Variants in MTA1 observed in about 807,000 individuals in gnomAD.
MTA1 encodes the protein metastasis-associated protein MTA1.
MTA1 carries 15 observed loss-of-function variants against 97.0 expected under a neutral mutation model. The ratio of observed to expected loss-of-function variants is 0.15; its 90% CI spans 0.10 to 0.24. MTA1 has a LOEUF of 0.24. Among genes scored for constraint, MTA1 ranks in the 10% least tolerant of loss-of-function variants. The pLI is 1.00. For missense variants in MTA1, 709 were observed against 1,015.1 expected, an observed-to-expected ratio of 0.70 and a Z score of 4.10; for synonymous variants, 435 against 417.5, an observed-to-expected ratio of 1.04 and a Z score of -0.51.
Position 105,454,316 on chromosome 14 carries a change from G to A in MTA1, c.550+6G>A, listed in dbSNP as rs200844784. The A allele has an allele frequency of 1.5e-5, 24 of 1,606,168 alleles. No homozygotes were observed. The African/African-American group carries it at 2.7e-4, about 18-fold the overall frequency. On this transcript the variant is annotated splice_donor_region_variant and intron_variant, in intron 7 of 20. Coordinates refer to ENST00000331320, the MANE Select transcript of MTA1 (RefSeq NM_004689.4). ...CACCGACTTGTTAAAAGAAGGTAGG[G>A]TGGGCCGCCCTGGGCATGGAGCCCT...
chr14:105,425,817 C>T (rs2081991938), intron 1 of MTA1, among the ~76,000 whole-genome samples: 2 of 151,994 alleles, frequency 1.3e-5, no homozygotes, highest in African/African-American at 4.8e-5. Context: ...CACCTCGCCC[C>T]TATACCCCAC....
In MTA1 at chr14:105,431,801, T is replaced by C. The variant is rs184877561; in HGVS notation, c.29-6871T>C. On this transcript the variant is annotated intron_variant, in intron 1 of 20. Coordinates refer to ENST00000331320, the MANE Select transcript of MTA1 (RefSeq NM_004689.4). ...CCACCACACCTGGCTATTTTTTGTA[T>C]CTTTAGTAGAGATGGGGTTTCACCA... 3.4e-4 allele frequency among the ~76,000 whole-genome samples: 52 copies of C among 152,078 alleles called. 1 individual carries two copies. Among genetic ancestry groups the C allele is most frequent in the Middle Eastern group, 3.4e-3 (1 of 294 alleles).
rs752215298 is a variant in MTA1, at chr14:105,422,304, G to T, written c.28+2241G>T. Among the ~76,000 whole-genome samples, 9 of 152,168 alleles carry T rather than the reference G, an allele frequency of 5.9e-5. No homozygotes were observed. Among genetic ancestry groups the T allele is most frequent in the Non-Finnish European group, 1.3e-4 (9 of 68,024 alleles). The stretch of plus-strand genomic sequence containing the variant: ...GCAGTGGGCTGGGCATTGCAGGTTG[G>T]CTTCCTGTCTTGGTGCTCGCTCGGG... On this transcript the variant is annotated intron_variant, in intron 1 of 20. Coordinates refer to ENST00000331320, the MANE Select transcript of MTA1 (RefSeq NM_004689.4). This position sits in a 1 kb window ranked among gnomAD's most constrained non-coding sequence, Gnocchi z 4.3.
intron 1 of MTA1, among the ~76,000 whole-genome samples, chr14:105,429,881 C>T (rs587637104): frequency 2.6e-5 from 4 of 151,384 alleles, no homozygotes; most frequent in East Asian, 3.9e-4. Flanking sequence ...CTCAGCCTCC[C>T]GAGTAGCTGG....
intron 18 of MTA1, chr14:105,469,145 T>C (rs1414622910): frequency 3.5e-6 from 2 of 572,794 alleles, no homozygotes; most frequent in Non-Finnish European, 6.6e-6. Context: ...AGGCTTTGCT[T>C]GTCTCGGCAC....
intron 2 of MTA1, among the ~76,000 whole-genome samples, 164 bp downstream of exon 2, chr14:105,438,903 G>A (rs587709690): frequency 5.4e-4 from 82 of 152,328 alleles, no homozygotes; most frequent in African/African-American, 1.8e-3. Flanking sequence ...CTGCACCGTG[G>A]CTCCTCCTTG....
Position 105,463,826 on chromosome 14 carries a change from G to A in MTA1, c.1077-206G>A. 1.6e-6 allele frequency: 1 copy of A among 644,942 alleles called. No homozygotes were observed. Among genetic ancestry groups the A allele is most frequent in the Non-Finnish European group, 2.7e-6 (1 of 363,774 alleles). The allele number at this position is 644,942 out of a possible 1,614,324, so 40.0% of individuals were successfully genotyped here. ...CCCTGAGCTGGGCTCCATGCTAGGG[G>A]GAGCACGGGGGCCTGGAGAACGGCT... On this transcript the variant is annotated intron_variant, in intron 12 of 20. Coordinates refer to ENST00000331320, the MANE Select transcript of MTA1 (RefSeq NM_004689.4). This position sits in a 1 kb window ranked among gnomAD's most constrained non-coding sequence, Gnocchi z 5.9.
In MTA1 at chr14:105,470,216, G is replaced by GGGCC; in HGVS notation, c.*3_*6dup. On this transcript the variant is annotated 3_prime_UTR_variant, in exon 21 of 21. Transcript: ENST00000331320. ...CGAGCCCATCGTCATCGAGGACTAG[G>GGGCC]GGCCGCCCCCACCTGCGGCCGCCCC... 6.3e-7 allele frequency: 1 copy of GGGCC among 1,574,972 alleles called. No homozygotes were observed. Among genetic ancestry groups the GGGCC allele is most frequent in the East Asian group, 2.3e-5 (1 of 42,812 alleles).
chr14:105,469,438 C>A (rs2083736741), intron 18 of MTA1, 29 bp from the exon 19 acceptor site: 1 of 1,612,150 alleles, frequency 6.2e-7, no homozygotes, highest in African/African-American at 1.3e-5. Flanking sequence ...TCTCTCGGGG[C>A]CTCATTTCTC....
chr14:105,466,233 C>G (rs587744059), intron 16 of MTA1, 193 bp from the exon 17 acceptor site: 3 of 592,420 alleles, frequency 5.1e-6, no homozygotes, highest in South Asian at 4.0e-5. Flanking sequence ...CACGCCTTGC[C>G]GAGGGCTTCT....
At position 105,424,524 on chromosome 14, in the gene MTA1, C is replaced by G. The variant is rs1595251875; in HGVS notation, c.28+4461C>G. ...CTTTTTTTTTTGTTTTTGAGACAGT[C>G]TCACTCTGTCACCCAGGCTGGAGTG... On this transcript the variant is annotated intron_variant, in intron 1 of 20. Transcript: ENST00000331320. The surrounding 1 kb of genome is among the most constrained non-coding windows in gnomAD (Gnocchi z 4.0). Among the ~76,000 whole-genome samples, 2 of 143,934 alleles carry G rather than the reference C, an allele frequency of 1.4e-5. No homozygotes were observed. The highest frequency in any genetic ancestry group is 4.2e-4 in the East Asian group (2 of 4,780). The allele number at this position is 143,934 out of a possible 152,430, so 94.4% of individuals were successfully genotyped here. A position where few individuals can be genotyped will look rare whatever the true frequency, so the allele number is the denominator to read the frequency against.
intron 4 of MTA1, among the ~76,000 whole-genome samples, chr14:105,449,653 C>A (rs1945055522): frequency 6.6e-6 from 1 of 152,170 alleles, no homozygotes; most frequent in South Asian, 2.1e-4. Flanking sequence ...GGCTGTCTGG[C>A]CACGAGATGG....
chr14:105,423,830 A>G (rs2081927280), intron 1 of MTA1, among the ~76,000 whole-genome samples: 1 of 152,264 alleles, frequency 6.6e-6, no homozygotes, highest in African/African-American at 2.4e-5. Context: ...GGAAAAAAGT[A>G]AACTTAAAAA....
chr14:105,436,855 C>T (rs1555424498), intron 1 of MTA1, among the ~76,000 whole-genome samples: 3 of 152,156 alleles, frequency 2.0e-5, no homozygotes, highest in Non-Finnish European at 4.4e-5. Flanking sequence ...GTGATGAAAC[C>T]CACCAATTTT....
At chr14:105,464,238 C>G (rs587665476) in intron 13 of MTA1, 91 bp downstream of exon 13, 2 of 1,453,626 alleles carry the variant, frequency 1.4e-6, no homozygotes, top group East Asian at 2.3e-5. Flanking sequence ...CATGGCCCAG[C>G]CTGCAAGGGG....
chr14:105,463,837 G>C lies in MTA1; in HGVS notation c.1077-195G>C, dbSNP rs1334099339. 5 of 659,358 alleles carry C rather than the reference G, an allele frequency of 7.6e-6. No individual in the cohort carries two copies. The highest frequency in any genetic ancestry group is 2.8e-5 in the Admixed American group (1 of 35,394). The allele number at this position is 659,358 out of a possible 1,614,324, so 40.8% of individuals were successfully genotyped here. ...GCTCCATGCTAGGGGGAGCACGGGG[G>C]CCTGGAGAACGGCTCAGACCTCAGC... On this transcript the variant is annotated intron_variant, in intron 12 of 20. Coordinates refer to ENST00000331320, the MANE Select transcript of MTA1 (RefSeq NM_004689.4). The surrounding 1 kb of genome is among the most constrained non-coding windows in gnomAD (Gnocchi z 5.9).
chr14:105,466,983 T>G, intron 18 of MTA1: 1 of 573,008 alleles, frequency 1.7e-6, no homozygotes. Flanking sequence ...TGGACTGTCC[T>G]GGCACGTGTG....
chr14:105,457,194 G>A (rs2083184417), intron 7 of MTA1, among the ~76,000 whole-genome samples: 1 of 152,198 alleles, frequency 6.6e-6, no homozygotes, highest in South Asian at 2.1e-4. Flanking sequence ...CTGAGAGGTG[G>A]ACAGAGGACA....
chr14:105,443,348 G>A (rs1369778015), intron 2 of MTA1, among the ~76,000 whole-genome samples: 1 of 152,164 alleles, frequency 6.6e-6, no homozygotes, highest in African/African-American at 2.4e-5. Flanking sequence ...GAGCAACTGA[G>A]CACTTTTCTC....
Sources: allele counts gnomAD v4.1 joint callset (sites outside exome capture counted in the v4.1 genomes callset), GRCh38; gene constraint gnomAD v4.1.1; non-coding constraint Gnocchi (gnomAD v3.1); transcripts MANE v1.5; gene names NCBI Gene and HGNC (gene_info 2026-07-23, HGNC 2026-07-21).